Variants in CBFA2T2 observed in about 807,000 individuals in gnomAD.
CBFA2T2 encodes the protein CBFA2/RUNX1 partner transcriptional co-repressor 2, also known as protein CBFA2T2.
Under a neutral mutation model 62.2 loss-of-function variants are expected in CBFA2T2, and 11 were observed. That is an observed-to-expected ratio of 0.18 (90% CI 0.11 to 0.29). The LOEUF (loss-of-function observed/expected upper bound fraction) is 0.29. CBFA2T2 is among the 10% of genes least tolerant of loss of function. The probability of loss-of-function intolerance (pLI) is 1.00; values close to 1 mark genes in which losing one functional copy is unlikely to be tolerated. For missense variants in CBFA2T2, 592 were observed against 774.1 expected, an observed-to-expected ratio of 0.76 and a Z score of 2.79; for synonymous variants, 295 against 287.5, an observed-to-expected ratio of 1.03 and a Z score of -0.27.
chr20:33,557,042 C>A (rs1303159610), intron 1 of CBFA2T2, among the ~76,000 whole-genome samples: 2 of 108,450 alleles, frequency 1.8e-5, no homozygotes, highest in Non-Finnish European at 3.4e-5. Context: ...TGAGACAGAG[C>A]CTCACTCTGT....
intron 1 of CBFA2T2, among the ~76,000 whole-genome samples, chr20:33,524,930 G>T (rs890048842): frequency 2.6e-5 from 4 of 152,154 alleles, no homozygotes; most frequent in African/African-American, 9.7e-5. Flanking sequence ...TGCCTCCCGG[G>T]TTCAAGCAAT....
At chr20:33,528,514 A>T (rs1265202029) in intron 1 of CBFA2T2, among the ~76,000 whole-genome samples, 1 of 152,164 alleles carries the variant, frequency 6.6e-6, no homozygotes, top group South Asian at 2.1e-4. Context: ...TTTGAATCAG[A>T]GGATCCCAGA....
intron 1 of CBFA2T2, among the ~76,000 whole-genome samples, chr20:33,570,649 C>T (rs1370153771): frequency 6.6e-6 from 1 of 152,170 alleles, no homozygotes; most frequent in Non-Finnish European, 1.5e-5. Context: ...GTGCTGTTAA[C>T]CCTTCTTTCT....
In CBFA2T2 at chr20:33,619,587, T is replaced by C. The variant is rs1295912537; in HGVS notation, c.491T>C (p.Phe164Ser). 6.2e-7 allele frequency: 1 copy of C among 1,603,590 alleles called. No individual in the cohort carries two copies. Among genetic ancestry groups the C allele is most frequent in the Admixed American group, 1.7e-5 (1 of 58,418 alleles). ...GCCACAAACTTTCCCCTTCGTCCTTTTGTGATTCCATTTCTCAAGGTAATT... is the reference window on the plus strand; with the variant it reads ...GCCACAAACTTTCCCCTTCGTCCTTCTGTGATTCCATTTCTCAAGGTAATT... ...QEATNFPLRP[F>S]VIPFLKANLP... The change falls in exon 4 of 11, where the codon TTT becomes TCT. Residue 164 changes from phenylalanine (F) to serine (S), a missense_variant. Physicochemically the swap from Phe to Ser is radical, Grantham distance 155 (BLOSUM62 -2). Coordinates refer to ENST00000342704, the MANE Select transcript of CBFA2T2 (RefSeq NM_001032999.3).
At chr20:33,594,125 G>A (rs565347156) in intron 1 of CBFA2T2, among the ~76,000 whole-genome samples, 14 of 152,348 alleles carry the variant, frequency 9.2e-5, no homozygotes, top group African/African-American at 2.6e-4. Flanking sequence ...GTCCAGGTGA[G>A]AGATGACAGT....
At chr20:33,640,603 G>A (rs1459588981) in intron 10 of CBFA2T2, 72 bp downstream of exon 10, 39 of 1,413,480 alleles carry the variant, frequency 2.8e-5, no homozygotes, top group African/African-American at 2.4e-4. Flanking sequence ...CCTCTCATAC[G>A]CTGGGCAGGA....
chr20:33,600,960 T>G (rs1211338241), intron 1 of CBFA2T2, among the ~76,000 whole-genome samples: 1 of 152,160 alleles, frequency 6.6e-6, no homozygotes, highest in Non-Finnish European at 1.5e-5. Flanking sequence ...TATCATATTG[T>G]TTTTTAAAAT....
intron 1 of CBFA2T2, among the ~76,000 whole-genome samples, chr20:33,598,818 T>C (rs2015000871): frequency 6.6e-6 from 1 of 152,216 alleles, no homozygotes; most frequent in Admixed American, 6.5e-5. Flanking sequence ...CTAATAAATG[T>C]CCATGAAATC....
chr20:33,535,597 GT>G (rs1161090346), intron 1 of CBFA2T2, among the ~76,000 whole-genome samples: 1 of 136,708 alleles, frequency 7.3e-6, no homozygotes, highest in Non-Finnish European at 1.5e-5. Flanking sequence ...CATGGATTGA[GT>G]TTTATTTTTA....
intron 1 of CBFA2T2, among the ~76,000 whole-genome samples, chr20:33,512,759 T>C (rs2011532234): frequency 6.6e-6 from 1 of 151,550 alleles, no homozygotes; most frequent in Admixed American, 6.6e-5. Context: ...TCTTTTTTTT[T>C]TTTTTTTTGG....
At chr20:33,602,677 G>C (rs1601045103) in intron 1 of CBFA2T2, among the ~76,000 whole-genome samples, 1 of 152,072 alleles carries the variant, frequency 6.6e-6, no homozygotes, top group East Asian at 1.9e-4. Context: ...CCTATGAGAT[G>C]CAACAGCAAA....
intron 1 of CBFA2T2, among the ~76,000 whole-genome samples, chr20:33,554,314 A>G (rs2012825820): frequency 6.8e-6 from 1 of 146,634 alleles, no homozygotes; most frequent in African/African-American, 2.5e-5. Flanking sequence ...GTGCAGAGGC[A>G]TGATCTCAGC....
intron 1 of CBFA2T2, among the ~76,000 whole-genome samples, chr20:33,571,750 C>A (rs985658270): frequency 2.0e-5 from 3 of 152,198 alleles, no homozygotes; most frequent in African/African-American, 7.2e-5. Flanking sequence ...AAGTAGTACA[C>A]TCTTTTTGCT....
intron 8 of CBFA2T2, among the ~76,000 whole-genome samples, chr20:33,630,441 G>A (rs1181240199): frequency 6.6e-6 from 1 of 152,130 alleles, no homozygotes; most frequent in East Asian, 1.9e-4. Context: ...CAGTAGCCCT[G>A]AAAGTGTTTA....
intron 1 of CBFA2T2, among the ~76,000 whole-genome samples, chr20:33,558,195 G>C (rs1568818236): frequency 6.6e-6 from 1 of 151,440 alleles, no homozygotes; most frequent in Non-Finnish European, 1.5e-5. Flanking sequence ...GCAGTGGTGC[G>C]ATCATGGCTC....
intron 9 of CBFA2T2, chr20:33,639,641 A>G (rs1031179608): frequency 1.3e-5 from 2 of 151,686 alleles, no homozygotes; most frequent in African/African-American, 4.9e-5. Flanking sequence ...TTTAACACCA[A>G]CGCTTTGGGA....
intron 1 of CBFA2T2, among the ~76,000 whole-genome samples, chr20:33,501,435 A>C (rs8119925): frequency 0.022 from 3,373 of 152,228 alleles, 117 homozygotes; most frequent in African/African-American, 0.077. Flanking sequence ...CTAGAGCTAC[A>C]CTAACTTTAT....
intron 1 of CBFA2T2, among the ~76,000 whole-genome samples, chr20:33,579,140 G>C (rs1198826788): frequency 1.4e-5 from 2 of 146,624 alleles, no homozygotes; most frequent in Non-Finnish European, 3.0e-5. Flanking sequence ...TAAGGAAAGC[G>C]TCTCCTTCTG....
At chr20:33,534,350 C>T (rs893956129) in intron 1 of CBFA2T2, among the ~76,000 whole-genome samples, 1 of 152,064 alleles carries the variant, frequency 6.6e-6, no homozygotes, top group Non-Finnish European at 1.5e-5. Flanking sequence ...GAGACAGTCT[C>T]ACTCTGTTGC....
Sources: gnomAD v4.1 joint callset for allele counts (sites outside exome capture counted in the v4.1 genomes callset) on GRCh38, gnomAD v4.1.1 for gene constraint, MANE v1.5 for transcripts, NCBI Gene and HGNC (gene_info 2026-07-23, HGNC 2026-07-21) for gene names.